The following RYR2 variants were observed in gnomAD, a reference collection of about 807,000 sequenced individuals.
RYR2 encodes the protein ryanodine receptor 2.
A neutral mutation model predicts 601.1 loss-of-function variants in RYR2; 227 were observed. That is an observed-to-expected ratio of 0.38 (90% CI 0.34 to 0.42). The LOEUF (loss-of-function observed/expected upper bound fraction) is 0.42, where lower values mean the gene tolerates loss of function less well. Ranked by LOEUF, RYR2 falls within the 10% of genes least tolerant of loss-of-function variation. The pLI is 1.00. For synonymous variants in RYR2, 2,223 were observed against 2,175.1 expected, an observed-to-expected ratio of 1.02 and a Z score of -0.61; for missense variants, 4,646 against 6,156.5, an observed-to-expected ratio of 0.75 and a Z score of 8.21.
At chr1:237,390,037 A>G (rs1323769042) in intron 10 of RYR2, among the ~76,000 whole-genome samples, 1 of 152,152 alleles carries the variant, frequency 6.6e-6, no homozygotes, top group Non-Finnish European at 1.5e-5. Flanking sequence ...ATGTGGGCAG[A>G]GAAATAAGAG....
At chr1:237,505,792 G>A (rs143383017) in intron 22 of RYR2, among the ~76,000 whole-genome samples, 6 of 152,288 alleles carry the variant, frequency 3.9e-5, no homozygotes, top group South Asian at 2.1e-4. Context: ...TAGCTGTGGG[G>A]TCACACAGAA....
At chr1:237,795,840 A>ATATATATAT (rs1377044945) in intron 96 of RYR2, among the ~76,000 whole-genome samples, 1 of 111,460 alleles carries the variant, frequency 9.0e-6, no homozygotes, top group Non-Finnish European at 1.7e-5. Context: ...GTGTGTGTAT[A>ATATATATAT]TATATATATG....
intron 1 of RYR2, among the ~76,000 whole-genome samples, chr1:237,127,544 G>A (rs1235261966): frequency 7.3e-5 from 11 of 151,210 alleles, no homozygotes; most frequent in African/African-American, 2.2e-4. Flanking sequence ...CGGACGGGGC[G>A]GCTGGCCTGG....
At chr1:237,600,396 A>G (rs1559092758) in intron 34 of RYR2, among the ~76,000 whole-genome samples, 2 of 152,216 alleles carry the variant, frequency 1.3e-5, no homozygotes, top group South Asian at 4.1e-4. Flanking sequence ...TTGAATATCC[A>G]CATGCAGAAG....
At position 237,483,601 on chromosome 1, in the gene RYR2, A is replaced by G. The variant is rs182467384; in HGVS notation, c.1709-8205A>G. Among the ~76,000 whole-genome samples the G allele has an allele frequency of 4.6e-5, 7 of 152,336 alleles. No individual in the cohort carries two copies. The East Asian group carries it at 1.4e-3, about 29-fold the overall frequency. ...TCCCCATTAAATTTTGTAAATACCA[A>G]GACTGCCAATCAGTTACTCTTCTGA... On this transcript the variant is annotated intron_variant, in intron 17 of 104. Transcript: ENST00000366574.
intron 9 of RYR2, 144 bp from the exon 10 acceptor site, chr1:237,387,943 C>T (rs1702073431): frequency 2.8e-6 from 2 of 713,712 alleles, no homozygotes; most frequent in Non-Finnish European, 4.8e-6. Context: ...CAGGCACTGT[C>T]TATCTCTGTG....
chr1:237,337,752 A>C (rs540446059), intron 3 of RYR2, among the ~76,000 whole-genome samples: 1 of 152,298 alleles, frequency 6.6e-6, no homozygotes, highest in East Asian at 1.9e-4. Context: ...GAAAATAACT[A>C]TAATCTCTGG....
At chr1:237,170,462 TCTGC>T (rs1165255155) in intron 1 of RYR2, among the ~76,000 whole-genome samples, 1 of 152,232 alleles carries the variant, frequency 6.6e-6, no homozygotes, top group Non-Finnish European at 1.5e-5. Context: ...CTCCTCCGTC[TCTGC>T]CAGGTGGTCT....
intron 5 of RYR2, among the ~76,000 whole-genome samples, chr1:237,367,702 C>A (rs567734524): frequency 6.6e-6 from 1 of 152,100 alleles, no homozygotes; most frequent in Non-Finnish European, 1.5e-5. Flanking sequence ...ATGGTCTTTC[C>A]CTGATCTAAT....
chr1:237,634,768 G>A (rs961721858), intron 43 of RYR2, 121 bp from the exon 44 acceptor site: 9 of 655,528 alleles, frequency 1.4e-5, no homozygotes, highest in Middle Eastern at 4.3e-4. Flanking sequence ...GTAAATCAAT[G>A]TAGATTAATA....
chr1:237,406,376 A>T (rs1021919161), intron 10 of RYR2, among the ~76,000 whole-genome samples: 9 of 151,712 alleles, frequency 5.9e-5, no homozygotes, highest in African/African-American at 2.2e-4. Flanking sequence ...ATATATACCT[A>T]TGTGTCTAGA....
chr1:237,516,873 A>G (rs923479330), intron 24 of RYR2, among the ~76,000 whole-genome samples: 1 of 152,076 alleles, frequency 6.6e-6, no homozygotes, highest in African/African-American at 2.4e-5. Flanking sequence ...GGTCCAAGCC[A>G]CCATCATCTG....
intron 80 of RYR2, among the ~76,000 whole-genome samples, chr1:237,747,991 G>T (rs576841466): frequency 6.6e-6 from 1 of 152,206 alleles, no homozygotes; most frequent in African/African-American, 2.4e-5. Flanking sequence ...GCTGATTGCC[G>T]CAATCTGCCA....
chr1:237,222,325 A>G (rs1276075552), intron 1 of RYR2, among the ~76,000 whole-genome samples: 5 of 151,794 alleles, frequency 3.3e-5, no homozygotes, highest in Admixed American at 6.6e-5. Flanking sequence ...AGGCAGGAGA[A>G]TGGCGTGAAC....
chr1:237,356,963 A>G (rs936278569), intron 4 of RYR2, among the ~76,000 whole-genome samples: 4 of 152,162 alleles, frequency 2.6e-5, no homozygotes, highest in African/African-American at 9.7e-5. Context: ...TTTAGGATCC[A>G]ACTTTCTTGA....
intron 5 of RYR2, among the ~76,000 whole-genome samples, chr1:237,368,065 T>A (rs1301646371): frequency 1.3e-5 from 2 of 152,112 alleles, no homozygotes; most frequent in East Asian, 3.9e-4. Flanking sequence ...TGAGTAGCTT[T>A]GAGGAAACTG....
chr1:237,790,404 C>T (rs914378283), intron 92 of RYR2, among the ~76,000 whole-genome samples: 1 of 152,090 alleles, frequency 6.6e-6, no homozygotes, highest in Non-Finnish European at 1.5e-5. Context: ...CTCTGCCTGA[C>T]GTCTTGTACT....
At chr1:237,376,053 A>G (rs10925388) in intron 7 of RYR2, among the ~76,000 whole-genome samples, 24,923 of 152,156 alleles carry the variant, frequency 0.16, 2,248 homozygotes, top group East Asian at 0.39. Flanking sequence ...CAAGGCAGAT[A>G]ATTTTTTCTT....
chr1:237,505,614 G>T (rs1049250151), intron 22 of RYR2, among the ~76,000 whole-genome samples: 3 of 152,206 alleles, frequency 2.0e-5, no homozygotes, highest in African/African-American at 7.2e-5. Flanking sequence ...AAAGATTTGG[G>T]AGACTAGAAA....
Sources: allele counts gnomAD v4.1 joint callset (sites outside exome capture counted in the v4.1 genomes callset), GRCh38; gene constraint gnomAD v4.1.1; transcripts MANE v1.5; gene names NCBI Gene and HGNC (gene_info 2026-07-23, HGNC 2026-07-21).